GRIA1: variants seen among roughly 807,000 people sequenced by gnomAD.
GRIA1 encodes the protein glutamate receptor 1.
A neutral mutation model predicts 99.2 loss-of-function variants in GRIA1; 31 were observed. The ratio of observed to expected loss-of-function variants is 0.31; its 90% CI spans 0.23 to 0.42. GRIA1 has a LOEUF of 0.42. Among genes scored for constraint, GRIA1 ranks in the 10% least tolerant of loss-of-function variants. The pLI, the probability that GRIA1 is intolerant of heterozygous loss-of-function variation, is 1.00. For synonymous variants in GRIA1, 438 were observed against 432.4 expected, an observed-to-expected ratio of 1.01 and a Z score of -0.16; for missense variants, 782 against 1,157.5, an observed-to-expected ratio of 0.68 and a Z score of 4.71.
chr5:153,616,389 T>C (rs1294452459), intron 2 of GRIA1, among the ~76,000 whole-genome samples: 1 of 152,150 alleles, frequency 6.6e-6, no homozygotes, highest in Non-Finnish European at 1.5e-5. Context: ...GGGTGACCAA[T>C]CTTTTGGCTT....
At chr5:153,518,927 G>A (rs539768043) in intron 2 of GRIA1, among the ~76,000 whole-genome samples, 56 of 152,212 alleles carry the variant, frequency 3.7e-4, no homozygotes, top group African/African-American at 1.2e-3. Flanking sequence ...AAAGATGACC[G>A]TCCTGGACTG....
At chr5:153,607,019 A>G (rs1581317460) in intron 2 of GRIA1, among the ~76,000 whole-genome samples, 1 of 144,146 alleles carries the variant, frequency 6.9e-6, no homozygotes, top group South Asian at 2.2e-4. Context: ...TCTTTAAAAG[A>G]ATGATATAAA....
At chr5:153,601,905 G>A (rs751360085) in intron 2 of GRIA1, among the ~76,000 whole-genome samples, 3 of 152,124 alleles carry the variant, frequency 2.0e-5, no homozygotes, top group Non-Finnish European at 4.4e-5. Flanking sequence ...ATGCCTCCAG[G>A]GCTGCTAGAA....
At chr5:153,523,016 A>ATCTCTCTC (rs61177262) in intron 2 of GRIA1, among the ~76,000 whole-genome samples, 3,139 of 141,592 alleles carry the variant, frequency 0.022, 87 homozygotes, top group African/African-American at 0.053. Flanking sequence ...TGTTCCTGAT[A>ATCTCTCTC]TCTCTCTCTC....
At chr5:153,774,727 T>A (rs2149625745) in intron 13 of GRIA1, among the ~76,000 whole-genome samples, 1 of 152,370 alleles carries the variant, frequency 6.6e-6, no homozygotes, top group African/African-American at 2.4e-5. Context: ...CACCCAGTTA[T>A]GCTTCAGAAG....
intron 11 of GRIA1, among the ~76,000 whole-genome samples, chr5:153,726,319 C>T (rs2149549589): frequency 6.7e-6 from 1 of 148,734 alleles, no homozygotes; most frequent in South Asian, 2.3e-4. Context: ...CCTAACATCA[C>T]AATTAAAAGA....
At chr5:153,736,378 G>A (rs554289587) in intron 11 of GRIA1, among the ~76,000 whole-genome samples, 9 of 152,258 alleles carry the variant, frequency 5.9e-5, no homozygotes, top group South Asian at 4.1e-4. Context: ...CATAAGACAA[G>A]AGAAGAAGCA....
At chr5:153,695,426 G>C (rs1316536737) in intron 8 of GRIA1, among the ~76,000 whole-genome samples, 1 of 152,182 alleles carries the variant, frequency 6.6e-6, no homozygotes, top group Non-Finnish European at 1.5e-5. Context: ...CTGAGCATTA[G>C]AGCAAGGATG....
chr5:153,784,937 G>A (rs1041856094), intron 13 of GRIA1, among the ~76,000 whole-genome samples: 3 of 152,146 alleles, frequency 2.0e-5, no homozygotes, highest in African/African-American at 7.2e-5. Context: ...GGGTAAATGA[G>A]CCTTGGTTCC....
At chr5:153,810,325 C>T (rs1766730317) in intron 15 of GRIA1, among the ~76,000 whole-genome samples, 1 of 152,210 alleles carries the variant, frequency 6.6e-6, no homozygotes, top group Non-Finnish European at 1.5e-5. Flanking sequence ...TTCTTTAGCA[C>T]ATGTTCCTTT....
At chr5:153,518,702 ATT>A (rs375085713) in intron 2 of GRIA1, among the ~76,000 whole-genome samples, 4 of 152,114 alleles carry the variant, frequency 2.6e-5, no homozygotes, top group Non-Finnish European at 5.9e-5. Context: ...TTATGCAAGT[ATT>A]TTTTTTCATA....
intron 11 of GRIA1, among the ~76,000 whole-genome samples, chr5:153,727,087 C>A (rs369112914): frequency 5.3e-5 from 8 of 152,036 alleles, no homozygotes. Context: ...TCAATATATG[C>A]AAATCACTAA....
intron 4 of GRIA1, among the ~76,000 whole-genome samples, chr5:153,655,594 T>C (rs1174706968): frequency 2.0e-5 from 3 of 152,126 alleles, no homozygotes; most frequent in South Asian, 4.2e-4. Flanking sequence ...AGCTGTAAGA[T>C]TACAACTTAC....
intron 13 of GRIA1, among the ~76,000 whole-genome samples, chr5:153,792,589 A>G (rs1191994350): frequency 6.6e-6 from 1 of 152,218 alleles, no homozygotes; most frequent in African/African-American, 2.4e-5. Flanking sequence ...AACAAAACAT[A>G]GGCAGTGGCT....
chr5:153,733,415 C>T (rs1202475048), intron 11 of GRIA1, among the ~76,000 whole-genome samples: 1 of 151,992 alleles, frequency 6.6e-6, no homozygotes, highest in South Asian at 2.1e-4. Flanking sequence ...CATACCACTA[C>T]AGAAAATCAT....
chr5:153,490,856 C>T lies in GRIA1; in HGVS notation c.-33C>T, dbSNP rs200412983. On this transcript the variant is annotated 5_prime_UTR_variant, in exon 1 of 16. Transcript: ENST00000285900. The stretch of plus-strand genomic sequence containing the variant: ...GGAAACACCAAATCTATGATTGGAC[C>T]TGGGCTTCTTTTTCGCCAATGCAAA... 7 of 1,512,350 alleles carry T rather than the reference C, an allele frequency of 4.6e-6. No individual in the cohort carries two copies. Among genetic ancestry groups the T allele is most frequent in the Non-Finnish European group, 5.5e-6 (6 of 1,087,378 alleles). The allele number at this position is 1,512,350 out of a possible 1,614,324, so 93.7% of individuals were successfully genotyped here. A position where few individuals can be genotyped will look rare whatever the true frequency, so the allele number is the denominator to read the frequency against.
At chr5:153,790,272 C>T (rs567907529) in intron 13 of GRIA1, among the ~76,000 whole-genome samples, 2 of 152,272 alleles carry the variant, frequency 1.3e-5, no homozygotes, top group Admixed American at 6.5e-5. Context: ...GAGGTTCATC[C>T]CATTCTGTTT....
chr5:153,546,868 CA>C (rs1159347738), intron 2 of GRIA1, among the ~76,000 whole-genome samples: 5 of 152,178 alleles, frequency 3.3e-5, no homozygotes, highest in Non-Finnish European at 7.4e-5. Context: ...AGAGCTAAAT[CA>C]CCAAAATGTG....
chr5:153,727,700 A>G (rs9686257), intron 11 of GRIA1, among the ~76,000 whole-genome samples: 56,280 of 151,876 alleles, frequency 0.37, 11,471 homozygotes, highest in East Asian at 0.93. Flanking sequence ...GACCTCTTCA[A>G]GAACTACAAA....
Sources: gnomAD v4.1 joint callset for allele counts (sites outside exome capture counted in the v4.1 genomes callset) on GRCh38, gnomAD v4.1.1 for gene constraint, MANE v1.5 for transcripts, NCBI Gene and HGNC (gene_info 2026-07-23, HGNC 2026-07-21) for gene names.